Variants in TIAM2 observed in about 807,000 individuals in gnomAD.
TIAM2 encodes the protein TIAM Rac1 associated GEF 2.
TIAM2 carries 80 observed loss-of-function variants against 152.9 expected under a neutral mutation model. The ratio of observed to expected loss-of-function variants is 0.52; its 90% CI spans 0.44 to 0.63. The LOEUF is 0.63. Ranked by LOEUF, TIAM2 falls within the 30% of genes least tolerant of loss-of-function variation. TIAM2 has a pLI of 0.00. For synonymous variants in TIAM2, 804 were observed against 838.0 expected (o/e 0.96, Z 0.70); for missense variants, 1,965 against 2,120.1 (o/e 0.93, Z 1.44).
chr6:155,251,497 G>C (rs1192850995), intron 22 of TIAM2, among the ~76,000 whole-genome samples: 1 of 152,088 alleles, frequency 6.6e-6, no homozygotes, highest in Non-Finnish European at 1.5e-5. Context: ...ATGCTGGCCA[G>C]ACTGGTCTCG....
At chr6:155,056,234 C>G (rs1241798775) in intron 1 of TIAM2, among the ~76,000 whole-genome samples, 4 of 141,182 alleles carry the variant, frequency 2.8e-5, no homozygotes. Flanking sequence ...TGCAGTGGCG[C>G]GATCTCGGCT....
At chr6:155,064,715 C>T (rs34677780) in intron 1 of TIAM2, among the ~76,000 whole-genome samples, 8,603 of 152,256 alleles carry the variant, frequency 0.057, 315 homozygotes, top group South Asian at 0.14. Context: ...AACTTGTGTG[C>T]ATGCATATTG....
chr6:155,186,040 T>C lies in TIAM2; in HGVS notation c.3064+2540T>C, dbSNP rs1010928136. Among the ~76,000 whole-genome samples, 4 of 152,218 alleles carry C rather than the reference T, an allele frequency of 2.6e-5. No homozygotes were observed. The highest frequency in any genetic ancestry group is 5.9e-5 in the Non-Finnish European group (4 of 68,032). ...CATCTCAGAAGGAAGTCTTCCATTTTGAAGGTTGAGGGGAAAAGAAAATAA... is the reference window on the plus strand; with the variant it reads ...CATCTCAGAAGGAAGTCTTCCATTTCGAAGGTTGAGGGGAAAAGAAAATAA... On this transcript the variant is annotated intron_variant, in intron 14 of 26. Transcript: ENST00000682666. The surrounding 1 kb of genome is among the most constrained non-coding windows in gnomAD (Gnocchi z 4.5).
chr6:155,091,149 C>T (rs1436713654), intron 2 of TIAM2, among the ~76,000 whole-genome samples: 5 of 152,142 alleles, frequency 3.3e-5, no homozygotes, highest in African/African-American at 9.7e-5. Flanking sequence ...TGGGTTTCAG[C>T]TCAAAGTACT....
At chr6:155,198,601 G>A (rs1347986184) in intron 14 of TIAM2, among the ~76,000 whole-genome samples, 1 of 140,516 alleles carries the variant, frequency 7.1e-6, no homozygotes, top group Non-Finnish European at 1.5e-5. Flanking sequence ...GGCAGAGGTT[G>A]TGGTGAGCCG....
intron 1 of TIAM2, among the ~76,000 whole-genome samples, chr6:155,013,043 C>T (rs562178243): frequency 3.3e-5 from 5 of 152,176 alleles, no homozygotes; most frequent in South Asian, 2.1e-4. Flanking sequence ...CCATTATGCT[C>T]GGGCTTCTGA....
At chr6:155,173,670 C>T (rs1780690709) in intron 9 of TIAM2, among the ~76,000 whole-genome samples, 2 of 152,266 alleles carry the variant, frequency 1.3e-5, no homozygotes, top group South Asian at 4.1e-4. Context: ...GGGTGTGGGA[C>T]GCACTGTGTT....
At chr6:155,226,418 C>T (rs559034484) in intron 15 of TIAM2, among the ~76,000 whole-genome samples, 1 of 152,256 alleles carries the variant, frequency 6.6e-6, no homozygotes, top group South Asian at 2.1e-4. Context: ...GCCTGTAATC[C>T]CAGTACTTTG....
At chr6:155,170,694 A>G (rs1204201087) in intron 9 of TIAM2, among the ~76,000 whole-genome samples, 4 of 152,244 alleles carry the variant, frequency 2.6e-5, no homozygotes, top group Non-Finnish European at 5.9e-5. Flanking sequence ...TGATGTAGCC[A>G]CTTACAGTGA....
intron 7 of TIAM2, among the ~76,000 whole-genome samples, chr6:155,149,936 T>A (rs1779914095): frequency 1.3e-5 from 2 of 151,142 alleles, no homozygotes. Context: ...AAAAAAAGAA[T>A]TCAGCATGAG....
At chr6:155,124,481 C>T (rs970560819) in intron 2 of TIAM2, among the ~76,000 whole-genome samples, 1 of 152,176 alleles carries the variant, frequency 6.6e-6, no homozygotes, top group African/African-American at 2.4e-5. Context: ...CAGGCATGCA[C>T]CACCATGCCT....
At chr6:155,251,100 G>A in intron 22 of TIAM2, 79 bp downstream of exon 22, 1 of 1,240,304 alleles carries the variant, frequency 8.1e-7, no homozygotes, top group East Asian at 2.3e-5. Context: ...CACCAGTCCA[G>A]CTCACTCCTG....
At chr6:155,147,176 C>CTTTTTTTTT (rs3028764) in intron 6 of TIAM2, among the ~76,000 whole-genome samples, 2 of 143,334 alleles carry the variant, frequency 1.4e-5, no homozygotes, top group African/African-American at 2.6e-5. Flanking sequence ...TTACATTGTT[C>CTTTTTTTTT]TTTTTTTTTT....
Position 155,165,263 on chromosome 6 carries a change from G to T in TIAM2, c.2215G>T (p.Val739Leu). The T allele has an allele frequency of 6.2e-7, 1 of 1,604,986 alleles. No homozygotes were observed. Among genetic ancestry groups the T allele is most frequent in the Non-Finnish European group, 8.5e-7 (1 of 1,177,612 alleles). ...TTTTTTAAACTGTGTTTTACATTAG[G>T]TATGTTCTAGAGATGACTCTGCTCT... ...ILSVSSFHAL[V>L]CSRDDSALRK... Residue 739 changes from valine to leucine, a missense_variant and splice_region_variant, in exon 9 of 27, where the codon GTA (valine) becomes TTA (leucine). Transcript: ENST00000682666.
chr6:155,188,605 G>A (rs1781111931), intron 14 of TIAM2, among the ~76,000 whole-genome samples: 1 of 152,182 alleles, frequency 6.6e-6, no homozygotes, highest in African/African-American at 2.4e-5. Context: ...GAGCCAACAA[G>A]GCAACCATTG....
At chr6:155,149,004 G>C (rs1285463791) in intron 7 of TIAM2, 2 of 166,606 alleles carry the variant, frequency 1.2e-5, no homozygotes, top group Non-Finnish European at 2.9e-5. Flanking sequence ...GACAGACTTT[G>C]ATAGTGATTT....
intron 1 of TIAM2, among the ~76,000 whole-genome samples, chr6:155,023,693 C>G (rs1776542488): frequency 6.6e-6 from 1 of 152,156 alleles, no homozygotes; most frequent in Non-Finnish European, 1.5e-5. Flanking sequence ...ATTTAGTCAG[C>G]TTTCCTTGCA....
intron 2 of TIAM2, among the ~76,000 whole-genome samples, chr6:155,099,220 ATGTGTGTGTGTGTG>A (rs34269926): frequency 1.3e-4 from 19 of 148,182 alleles, no homozygotes; most frequent in Admixed American, 6.1e-4. Flanking sequence ...GTATATATAT[ATGTGTGTGTGTGTG>A]TGTGTGTGTG....
chr6:155,187,037 A>G (rs1781056233), intron 14 of TIAM2, among the ~76,000 whole-genome samples: 1 of 152,166 alleles, frequency 6.6e-6, no homozygotes, highest in Admixed American at 6.5e-5. Flanking sequence ...TAAAATAGAA[A>G]TTATAAGAAT....
Sources: allele counts gnomAD v4.1 joint callset (sites outside exome capture counted in the v4.1 genomes callset), GRCh38; gene constraint gnomAD v4.1.1; non-coding constraint Gnocchi (gnomAD v3.1); transcripts MANE v1.5; gene names NCBI Gene and HGNC (gene_info 2026-07-23, HGNC 2026-07-21).